Variants in ARNT2 observed in about 807,000 individuals in gnomAD.
ARNT2 encodes aryl hydrocarbon receptor nuclear translocator 2, also known as ARNT protein 2.
A neutral mutation model predicts 91.7 loss-of-function variants in ARNT2; 36 were observed. The observed-to-expected ratio is 0.39, with a 90% CI of 0.30 to 0.52. The LOEUF is 0.52. ARNT2 is among the 20% of genes least tolerant of loss of function. The pLI, the probability that ARNT2 is intolerant of heterozygous loss-of-function variation, is 0.72. For synonymous variants in ARNT2, 365 were observed against 347.1 expected, an observed-to-expected ratio of 1.05 and a Z score of -0.57; for missense variants, 775 against 939.3, an observed-to-expected ratio of 0.83 and a Z score of 2.29.
intron 1 of ARNT2, among the ~76,000 whole-genome samples, chr15:80,408,335 A>G (rs1396938944): frequency 6.6e-6 from 1 of 152,238 alleles, no homozygotes; most frequent in East Asian, 1.9e-4. Flanking sequence ...TAATAACACC[A>G]GGTGGAATGA....
chr15:80,553,520 C>T (rs1341176708), intron 10 of ARNT2, among the ~76,000 whole-genome samples: 2 of 151,944 alleles, frequency 1.3e-5, no homozygotes, highest in Non-Finnish European at 2.9e-5. Flanking sequence ...TTGAGAAGTA[C>T]CATGATGTCC....
At chr15:80,454,735 G>A (rs1328014518) in intron 2 of ARNT2, among the ~76,000 whole-genome samples, 1 of 152,178 alleles carries the variant, frequency 6.6e-6, no homozygotes, top group African/African-American at 2.4e-5. Flanking sequence ...TCTCACTAGA[G>A]CATAAGTGAC....
intron 5 of ARNT2, among the ~76,000 whole-genome samples, chr15:80,477,394 A>G (rs562353855): frequency 2.0e-5 from 3 of 152,338 alleles, no homozygotes; most frequent in Non-Finnish European, 2.9e-5. Context: ...GATCTGTTTT[A>G]TAACAGTACC....
At chr15:80,493,826 A>G (rs959655409) in intron 5 of ARNT2, among the ~76,000 whole-genome samples, 3 of 152,146 alleles carry the variant, frequency 2.0e-5, no homozygotes, top group Admixed American at 2.0e-4. Flanking sequence ...AGATATTCGG[A>G]TCATGAGGGC....
At chr15:80,484,506 C>T (rs1005808710) in intron 5 of ARNT2, among the ~76,000 whole-genome samples, 6 of 152,212 alleles carry the variant, frequency 3.9e-5, no homozygotes, top group African/African-American at 1.4e-4. Flanking sequence ...TTCTTTGGAG[C>T]CAGTTCAGTT....
intron 8 of ARNT2, among the ~76,000 whole-genome samples, chr15:80,550,767 A>G (rs1241577096): frequency 1.3e-5 from 2 of 152,218 alleles, no homozygotes; most frequent in Non-Finnish European, 2.9e-5. Flanking sequence ...ACAAGTTAGT[A>G]ACCAGCTTCA....
intron 8 of ARNT2, among the ~76,000 whole-genome samples, chr15:80,537,212 G>T (rs374415658): frequency 1.3e-4 from 20 of 152,076 alleles, no homozygotes; most frequent in Non-Finnish European, 2.1e-4. Flanking sequence ...CACTTCCTGC[G>T]TTGTATTATG....
intron 5 of ARNT2, chr15:80,487,924 G>A (rs533944771): frequency 6.6e-6 from 1 of 152,346 alleles, no homozygotes; most frequent in East Asian, 1.9e-4. Flanking sequence ...AGCCTCCCCA[G>A]CACAGGGCTT....
intron 15 of ARNT2, 124 bp downstream of exon 15, chr15:80,577,089 G>A (rs1337895227): frequency 2.2e-6 from 2 of 904,370 alleles, no homozygotes; most frequent in Non-Finnish European, 3.4e-6. Flanking sequence ...CTCAGGCCTT[G>A]GACTAAACTG....
intron 12 of ARNT2, among the ~76,000 whole-genome samples, chr15:80,566,800 T>C (rs1350025000): frequency 6.6e-6 from 1 of 152,208 alleles, no homozygotes; most frequent in Non-Finnish European, 1.5e-5. Context: ...ATTCTGATTC[T>C]TTTTTTACCT....
chr15:80,570,116 G>GA (rs1311131632), intron 12 of ARNT2, among the ~76,000 whole-genome samples: 3 of 152,246 alleles, frequency 2.0e-5, no homozygotes, highest in African/African-American at 7.2e-5. Flanking sequence ...GCCTAGGCCA[G>GA]AGTAAAAAGA....
Position 80,576,929 on chromosome 15 carries a change from G to A in ARNT2, c.1577G>A (p.Ser526Asn), listed in dbSNP as rs1198115556. 6.2e-7 allele frequency: 1 copy of A among 1,614,104 alleles called. No individual in the cohort carries two copies. The highest frequency in any genetic ancestry group is 8.5e-7 in the Non-Finnish European group (1 of 1,180,038). The stretch of plus-strand genomic sequence containing the variant: ...ACCCAGCAGATCTACTCCCAAGGAA[G>A]CCCATTTCCCTCTGGACACTCCGGG... ...AGTQQIYSQG[S>N]PFPSGHSGKA... Residue 526 changes from serine (S) to asparagine (N), a missense_variant, in exon 15 of 19, where the codon AGC becomes AAC. Physicochemically the swap from Ser to Asn is conservative, Grantham distance 46. This residue lies in a region of ARNT2 where 325 missense variants were observed against 359.9 expected (regional missense o/e 0.90). Coordinates refer to ENST00000303329, the MANE Select transcript of ARNT2 (RefSeq NM_014862.4).
At chr15:80,519,883 A>G (rs1239762030) in intron 8 of ARNT2, among the ~76,000 whole-genome samples, 2 of 130,106 alleles carry the variant, frequency 1.5e-5, no homozygotes, top group African/African-American at 6.0e-5. Context: ...TTTTTTTACT[A>G]GAGATGGGGT....
chr15:80,442,062 G>A (rs1896200000), intron 1 of ARNT2, among the ~76,000 whole-genome samples: 1 of 152,228 alleles, frequency 6.6e-6, no homozygotes. Flanking sequence ...ATCTAGACAA[G>A]AGCGTTGCAT....
At chr15:80,546,923 A>G (rs1280581110) in intron 8 of ARNT2, among the ~76,000 whole-genome samples, 1 of 151,838 alleles carries the variant, frequency 6.6e-6, no homozygotes, top group Non-Finnish European at 1.5e-5. Flanking sequence ...AGATCACGCC[A>G]TTGCACTCCA....
chr15:80,543,931 G>T (rs1209610838), intron 8 of ARNT2, among the ~76,000 whole-genome samples: 6 of 151,986 alleles, frequency 3.9e-5, no homozygotes. Flanking sequence ...AGTAGAAACG[G>T]GGTTTCACCA....
rs143824518 is a variant in ARNT2 at position 80,447,567 on chromosome 15, C to A, written c.32-3313C>A. ...TGTCACCTCCAACCTGAACAGGGAC[C>A]TTCCTAAGCCACCTTCTTTGGATGG... is the stretch of plus-strand genomic sequence containing the variant. On this transcript the variant is annotated intron_variant, in intron 1 of 18. Transcript: ENST00000303329. 5.1e-4 allele frequency among the ~76,000 whole-genome samples: 77 copies of A among 152,312 alleles called. No individual in the cohort carries two copies. The East Asian group carries it at 0.014, about 27-fold the overall frequency.
rs878892671 is a variant in ARNT2 at position 80,472,594 on chromosome 15, C to T, written c.408+2163C>T. ...TCATCCCAGTGGTCATGGGAGCCCT[C>T]GCTTGGCAGATGTTAGGAAGGTCCA... On this transcript the variant is annotated intron_variant, in intron 4 of 18. Transcript: ENST00000303329. Among the ~76,000 whole-genome samples the T allele has an allele frequency of 3.3e-5, 5 of 152,188 alleles. No individual in the cohort carries two copies. In the East Asian group the frequency reaches 5.8e-4, roughly 18 times the overall value.
intron 8 of ARNT2, among the ~76,000 whole-genome samples, chr15:80,548,651 A>G (rs993783286): frequency 2.0e-5 from 3 of 152,162 alleles, no homozygotes; most frequent in African/African-American, 7.2e-5. Flanking sequence ...CACATTTACA[A>G]TAGTAAAAAC....
Sources: gnomAD v4.1 joint callset for allele counts (sites outside exome capture counted in the v4.1 genomes callset) on GRCh38, gnomAD v4.1.1 for gene constraint, gnomAD v4.1.1 regional missense constraint, MANE v1.5 for transcripts, NCBI Gene and HGNC (gene_info 2026-07-23, HGNC 2026-07-21) for gene names.